The following ARHGAP23 variants were observed in gnomAD, a reference collection of about 807,000 sequenced individuals.
ARHGAP23 encodes rho GTPase-activating protein 23.
Under a neutral mutation model 136.3 loss-of-function variants are expected in ARHGAP23, and 34 were observed. The ratio of observed to expected loss-of-function variants is 0.25; its 90% confidence interval spans 0.19 to 0.33. The LOEUF (loss-of-function observed/expected upper bound fraction) is 0.33. Among genes scored for constraint, ARHGAP23 ranks in the 10% least tolerant of loss-of-function variants. ARHGAP23 has a pLI of 1.00. For missense variants in ARHGAP23, 1,808 were observed against 2,139.0 expected (o/e 0.85, Z 3.05); for synonymous variants, 832 against 920.5 (o/e 0.90, Z 1.74).
At chr17:38,503,788 G>A (rs1274397900) in intron 23 of ARHGAP23, among the ~76,000 whole-genome samples, 3 of 152,184 alleles carry the variant, frequency 2.0e-5, no homozygotes, top group Non-Finnish European at 2.9e-5. Context: ...ACAATAGAAC[G>A]TGCTTTTCAG....
Position 38,454,532 on chromosome 17 carries a change from G to A in ARHGAP23, c.64-3570G>A, listed in dbSNP as rs1030940670. On this transcript the variant is annotated intron_variant, in intron 1 of 23. Transcript: ENST00000622683. ...GGCAGAGGCACCACTGAATGGAGCA[G>A]GGCCCACGACCCACCCCACCCCTGG... 2.0e-5 allele frequency among the ~76,000 whole-genome samples: 3 copies of A among 152,284 alleles called. No individual in the cohort carries two copies. In the East Asian group the frequency reaches 5.8e-4, roughly 29 times the overall value.
chr17:38,493,536 G>A (rs1451472251), intron 20 of ARHGAP23, among the ~76,000 whole-genome samples: 3 of 152,158 alleles, frequency 2.0e-5, no homozygotes, highest in Non-Finnish European at 2.9e-5. Flanking sequence ...AGAGCTAACT[G>A]AGCTAGTGTC....
In ARHGAP23 at chr17:38,469,205, C is replaced by T. The variant is rs768293163; in HGVS notation, c.1710C>T (p.Val570=). The T allele has an allele frequency of 3.4e-5, 52 of 1,551,588 alleles. No individual in the cohort carries two copies. The highest frequency in any genetic ancestry group is 4.2e-5 in the Non-Finnish European group (48 of 1,146,874). Residue 570 remains valine, a synonymous_variant, in exon 8 of 24, where the codon GTC becomes GTT. Coordinates refer to ENST00000622683, the MANE Select transcript of ARHGAP23 (RefSeq NM_001199417.2). ...AGCACGTCCCTGCCTCTGCTGTGGT[C>T]TCCAGTGCCATGAACTCAGCCCCTG... ...QAKHVPASAV[V]SSAMNSAPVL... is the part of the protein sequence containing the mutation.
intron 16 of ARHGAP23, among the ~76,000 whole-genome samples, chr17:38,483,926 C>A (rs1235775781): frequency 6.6e-6 from 1 of 152,110 alleles, no homozygotes; most frequent in African/African-American, 2.4e-5. Flanking sequence ...GGATCTACCT[C>A]CTGGGCTTGG....
Position 38,448,093 on chromosome 17 carries a change from A to T in ARHGAP23, c.64-10009A>T, listed in dbSNP as rs574141077. Among the ~76,000 whole-genome samples the T allele has an allele frequency of 5.3e-5, 8 of 152,176 alleles. 1 individual carries two copies. Among genetic ancestry groups the T allele is most frequent in the African/African-American group, 1.9e-4 (8 of 41,516 alleles). On this transcript the variant is annotated intron_variant, in intron 1 of 23. Coordinates refer to ENST00000622683, the MANE Select transcript of ARHGAP23 (RefSeq NM_001199417.2). ...TGTTGCCCACCCCTTCCCTACTCCC[A>T]GAGGGCCCATAAGGTAGTGCTCTGG...
At chr17:38,469,320 C>A in intron 8 of ARHGAP23, 21 bp downstream of exon 8, 2 of 1,540,346 alleles carry the variant, frequency 1.3e-6, no homozygotes, top group Non-Finnish European at 8.8e-7. Context: ...CCCACACCCC[C>A]AGCCCCACCC....
chr17:38,469,946 G>C, intron 10 of ARHGAP23, 42 bp downstream of exon 10: 1 of 1,548,976 alleles, frequency 6.5e-7, no homozygotes, highest in Non-Finnish European at 8.7e-7. Flanking sequence ...GAGCGAGGGT[G>C]TGGGGAGAGA....
At chr17:38,421,617 G>A (rs914260583) in intron 1 of ARHGAP23, among the ~76,000 whole-genome samples, 1 of 152,212 alleles carries the variant, frequency 6.6e-6, no homozygotes, top group African/African-American at 2.4e-5. Context: ...TGGCATGGAG[G>A]GCTTCCTTAA....
At chr17:38,446,076 G>A (rs922594851) in intron 1 of ARHGAP23, among the ~76,000 whole-genome samples, 5 of 149,496 alleles carry the variant, frequency 3.3e-5, no homozygotes, top group South Asian at 2.1e-4. Flanking sequence ...GTGTAGTGGC[G>A]CGATTTCAGC....
chr17:38,443,533 G>A (rs2038964509), intron 1 of ARHGAP23, among the ~76,000 whole-genome samples: 1 of 152,158 alleles, frequency 6.6e-6, no homozygotes, highest in South Asian at 2.1e-4. Flanking sequence ...AGTGACCCAG[G>A]GGAGGCTGTT....
Position 38,469,923 on chromosome 17 carries a change from T to C in ARHGAP23, c.1974+19T>C, listed in dbSNP as rs2039707101. ...CGACGGGGTGAGAGCTGCAAGTGTG[T>C]GTGCGTGCGCAGGAGCGAGGGTGTG... On this transcript the variant is annotated intron_variant, in intron 10 of 23. Transcript: ENST00000622683. 6.4e-7 allele frequency: 1 copy of C among 1,551,486 alleles called. No homozygotes were observed. The highest frequency in any genetic ancestry group is 8.7e-7 in the Non-Finnish European group (1 of 1,146,908).
At chr17:38,501,965 A>G (rs1349175037) in intron 23 of ARHGAP23, among the ~76,000 whole-genome samples, 1 of 151,904 alleles carries the variant, frequency 6.6e-6, no homozygotes, top group African/African-American at 2.4e-5. Flanking sequence ...AATGTTATTT[A>G]AATAGTTATT....
chr17:38,421,248 G>A (rs1384045847), intron 1 of ARHGAP23, among the ~76,000 whole-genome samples: 2 of 152,204 alleles, frequency 1.3e-5, no homozygotes, highest in African/African-American at 2.4e-5. Flanking sequence ...GGGCTGCTGT[G>A]AAATCTCTGC....
At chr17:38,437,617 C>T (rs560042278) in intron 1 of ARHGAP23, among the ~76,000 whole-genome samples, 72 of 131,220 alleles carry the variant, frequency 5.5e-4, no homozygotes, top group African/African-American at 2.2e-3. Flanking sequence ...ACCCTACCCA[C>T]CCCTACCCCC....
At position 38,510,777 on chromosome 17, in the gene ARHGAP23, AG is replaced by A. The variant is rs1407221166; in HGVS notation, c.4286del (p.Gly1429AlafsTer77). The A allele has an allele frequency of 6.7e-6, 10 of 1,498,346 alleles. No individual in the cohort carries two copies. Among genetic ancestry groups the A allele is most frequent in the Admixed American group, 4.5e-5 (2 of 43,980 alleles). 92.8% of individuals were successfully genotyped at this position (1,498,346 alleles called of 1,614,324 possible). On this transcript the variant is annotated frameshift_variant, in exon 24 of 24. Transcript: ENST00000622683. LOFTEE classifies it high-confidence loss of function. The surrounding 1 kb of genome is among the most constrained non-coding windows in gnomAD (Gnocchi z 4.6). The part of the protein sequence containing the change: ...NFNEWKELGG[G>X]GPPEPAGARA... ...TCAACGAGTGGAAGGAGCTGGGCGG[AG>A]GGGGCCCCCCGGAGCCTGCGGGCGC... is the stretch of plus-strand genomic sequence containing the variant.
chr17:38,490,649 C>G, intron 19 of ARHGAP23, 98 bp downstream of exon 19: 1 of 991,304 alleles, frequency 1.0e-6, no homozygotes, highest in South Asian at 1.4e-5. Context: ...TCCAGTAACT[C>G]AGGCCCCTCT....
In ARHGAP23 at chr17:38,461,584, G is replaced by T. The variant is rs73302610; in HGVS notation, c.253+652G>T. Among the ~76,000 whole-genome samples the T allele has an allele frequency of 6.1e-4, 93 of 152,330 alleles. 1 individual carries two copies. The highest frequency in any genetic ancestry group is 2.2e-3 in the African/African-American group (92 of 41,560). On this transcript the variant is annotated intron_variant, in intron 3 of 23. Coordinates refer to ENST00000622683, the MANE Select transcript of ARHGAP23 (RefSeq NM_001199417.2). ...AGAGGCCGTGATGAGGGAGGAGCCC[G>T]CTGACCTAGAGCGGCCCATTTCTCT...
At chr17:38,427,780 C>G (rs1006624588), upstream of ARHGAP23, among the ~76,000 whole-genome samples, 3 of 152,202 alleles carry the variant, frequency 2.0e-5, no homozygotes, top group African/African-American at 7.2e-5. Context: ...TCCCCCTCCT[C>G]TCTGGGATCC....
At chr17:38,462,147 T>A (rs139703978) in intron 3 of ARHGAP23, among the ~76,000 whole-genome samples, 48 of 150,718 alleles carry the variant, frequency 3.2e-4, no homozygotes, top group Non-Finnish European at 5.9e-4. Flanking sequence ...AGAGACAGGG[T>A]TTCACCATGT....
Sources: allele counts gnomAD v4.1 joint callset (sites outside exome capture counted in the v4.1 genomes callset), GRCh38; gene constraint gnomAD v4.1.1; non-coding constraint Gnocchi (gnomAD v3.1); transcripts MANE v1.5; gene names NCBI Gene and HGNC (gene_info 2026-07-23, HGNC 2026-07-21).